Variants in ROCK2 observed in about 807,000 individuals in gnomAD.
ROCK2 encodes Rho associated coiled-coil containing protein kinase 2, also known as rho-associated protein kinase 2.
A neutral mutation model predicts 195.1 loss-of-function variants in ROCK2; 61 were observed. The observed-to-expected ratio is 0.31, with a 90% CI of 0.25 to 0.39. The LOEUF is 0.39. ROCK2 is among the 10% of genes least tolerant of loss of function. ROCK2 has a pLI of 1.00. For synonymous variants in ROCK2, 504 were observed against 545.5 expected (o/e 0.92, Z 1.06); for missense variants, 1,109 against 1,637.4 (o/e 0.68, Z 5.57).
rs1422878609 is a variant in ROCK2, at chr2:11,182,460, TAGAC to T, written c.*973_*976del. On this transcript the variant is annotated 3_prime_UTR_variant, in exon 33 of 33. Transcript: ENST00000315872. Reference sequence around the variant, plus strand: ...TCTGTAAAAAGAGTTGAATGAATAATAGACAGACATCAAGGATATATTAGTTCCA... The same window carrying T: ...TCTGTAAAAAGAGTTGAATGAATAATAGACATCAAGGATATATTAGTTCCA... 6.6e-6 allele frequency: 1 copy of T among 152,196 alleles called. No individual in the cohort carries two copies. Among genetic ancestry groups the T allele is most frequent in the Admixed American group, 6.5e-5 (1 of 15,284 alleles). The allele number at this position is 152,196 out of a possible 1,614,324, so 9.4% of individuals were successfully genotyped here.
At chr2:11,290,720 T>C (rs998570238) in intron 1 of ROCK2, among the ~76,000 whole-genome samples, 1 of 152,028 alleles carries the variant, frequency 6.6e-6, no homozygotes, top group Non-Finnish European at 1.5e-5. Context: ...GCAAGATCAA[T>C]GACTGATAAT....
chr2:11,239,018 C>T (rs910519671), intron 4 of ROCK2, among the ~76,000 whole-genome samples: 1 of 151,342 alleles, frequency 6.6e-6, no homozygotes, highest in Non-Finnish European at 1.5e-5. Context: ...ATAGCTACAG[C>T]CAAAATATTT....
intron 1 of ROCK2, among the ~76,000 whole-genome samples, chr2:11,334,464 T>C (rs914453729): frequency 6.9e-6 from 1 of 145,936 alleles, no homozygotes; most frequent in African/African-American, 2.6e-5. Flanking sequence ...TGAGCCGAGA[T>C]TGTGCCACTG....
At chr2:11,254,171 C>T (rs73915134) in intron 3 of ROCK2, among the ~76,000 whole-genome samples, 3,565 of 152,232 alleles carry the variant, frequency 0.023, 63 homozygotes, top group East Asian at 0.053. Context: ...CTAGCCCTCC[C>T]ATTGTAAACA....
At chr2:11,205,556 A>C (rs1403167217) in intron 20 of ROCK2, among the ~76,000 whole-genome samples, 1 of 151,564 alleles carries the variant, frequency 6.6e-6, no homozygotes, top group East Asian at 1.9e-4. Flanking sequence ...TTTTAAAAAG[A>C]AGCCAACATA....
At chr2:11,306,971 C>T (rs943882413) in intron 1 of ROCK2, among the ~76,000 whole-genome samples, 7 of 152,162 alleles carry the variant, frequency 4.6e-5, no homozygotes, top group Middle Eastern at 3.4e-3. Context: ...AAAAGAATGA[C>T]GCCAAACTAA....
intron 1 of ROCK2, chr2:11,308,012 G>A: frequency 1.3e-6 from 2 of 1,549,558 alleles, no homozygotes; most frequent in Non-Finnish European, 1.7e-6. Context: ...AGGGGACGGG[G>A]TGGGGACCAG....
At chr2:11,252,774 T>C (rs1307547007) in intron 3 of ROCK2, among the ~76,000 whole-genome samples, 1 of 151,002 alleles carries the variant, frequency 6.6e-6, no homozygotes, top group African/African-American at 2.4e-5. Flanking sequence ...ACACAGGGAG[T>C]GGAACATCAC....
At chr2:11,268,832 G>A (rs1281128667) in intron 3 of ROCK2, among the ~76,000 whole-genome samples, 1 of 151,820 alleles carries the variant, frequency 6.6e-6, no homozygotes, top group Non-Finnish European at 1.5e-5. Context: ...ATCAAAATTC[G>A]GGAGTTTACA....
At chr2:11,301,772 C>A (rs1289646249) in intron 1 of ROCK2, among the ~76,000 whole-genome samples, 2 of 81,656 alleles carry the variant, frequency 2.4e-5, no homozygotes, top group Non-Finnish European at 5.7e-5. Flanking sequence ...GAGTGAAACG[C>A]CGCCTCAAAA....
In ROCK2 at chr2:11,214,466, A is replaced by T. The variant is rs1248756169; in HGVS notation, c.1937-3T>A. 1 of 1,534,810 alleles carries T rather than the reference A, an allele frequency of 6.5e-7. No homozygotes were observed. The highest frequency in any genetic ancestry group is 9.0e-7 in the Non-Finnish European group (1 of 1,117,068). ...TTCTTCTAGGCCACATATTCTACCT[A>T]AAAATTGCAACGTTTTTTTAAAACA... On this transcript the variant is annotated splice_region_variant and splice_polypyrimidine_tract_variant and intron_variant, in intron 16 of 32. Transcript: ENST00000315872.
intron 1 of ROCK2, among the ~76,000 whole-genome samples, chr2:11,334,288 G>A (rs554625935): frequency 6.6e-6 from 1 of 152,068 alleles, no homozygotes; most frequent in South Asian, 2.1e-4. Flanking sequence ...CAAGGTGGGC[G>A]GATCACAAGG....
At chr2:11,305,668 G>A (rs1667837551) in intron 1 of ROCK2, among the ~76,000 whole-genome samples, 1 of 152,188 alleles carries the variant, frequency 6.6e-6, no homozygotes, top group African/African-American at 2.4e-5. Context: ...GATAAGATGA[G>A]CTTGTAGCAT....
rs540323380 is a variant in ROCK2 at position 11,311,716 on chromosome 2, AGAT to A, written c.142-23983_142-23981del. Among the ~76,000 whole-genome samples the A allele has an allele frequency of 1.4e-4, 22 of 152,316 alleles. No individual in the cohort carries two copies. In the East Asian group the frequency reaches 4.0e-3, roughly 28 times the overall value. On this transcript the variant is annotated intron_variant, in intron 1 of 32. Coordinates refer to ENST00000315872, the MANE Select transcript of ROCK2 (RefSeq NM_004850.5). ...GCAGTCAAACATTAGCAGCCATACCAGATGATAAAACTAAAATATCATAAAATC... is the reference window on the plus strand; with the variant it reads ...GCAGTCAAACATTAGCAGCCATACCAGATAAAACTAAAATATCATAAAATC...
intron 3 of ROCK2, among the ~76,000 whole-genome samples, chr2:11,262,976 CA>C (rs1168574852): frequency 2.0e-5 from 3 of 151,720 alleles, no homozygotes; most frequent in African/African-American, 7.3e-5. Flanking sequence ...CATAGATACA[CA>C]AAAAAAATGT....
rs754584276 is a variant in ROCK2, at chr2:11,182,600, C to G, written c.*837G>C. 1 of 152,472 alleles carries G rather than the reference C, an allele frequency of 6.6e-6. No individual in the cohort carries two copies. Among genetic ancestry groups the G allele is most frequent in the Non-Finnish European group, 1.5e-5 (1 of 68,034 alleles). 9.4% of individuals were successfully genotyped at this position (152,472 alleles called of 1,614,324 possible). ...TGTGTAAAAATAGTGCACGATTTAT[C>G]TTCCACAAAGCTAGTTTACATCCTA... On this transcript the variant is annotated 3_prime_UTR_variant, in exon 33 of 33. Coordinates refer to ENST00000315872, the MANE Select transcript of ROCK2 (RefSeq NM_004850.5).
At chr2:11,311,176 C>T (rs1385135161) in intron 1 of ROCK2, among the ~76,000 whole-genome samples, 1 of 152,094 alleles carries the variant, frequency 6.6e-6, no homozygotes, top group Non-Finnish European at 1.5e-5. Flanking sequence ...ATTTCTATCT[C>T]TACCAATGAT....
chr2:11,280,296 G>C (rs1009007253), intron 3 of ROCK2, among the ~76,000 whole-genome samples: 2 of 151,866 alleles, frequency 1.3e-5, no homozygotes, highest in Non-Finnish European at 2.9e-5. Flanking sequence ...AAATGAAGGA[G>C]GGAAAACCAC....
chr2:11,184,877 T>TTC, intron 32 of ROCK2: 1 of 519,294 alleles, frequency 1.9e-6, no homozygotes, highest in Non-Finnish European at 2.5e-6. Flanking sequence ...CATTTTAATT[T>TTC]TCCCTTCATG....
Sources: gnomAD v4.1 joint callset for allele counts (sites outside exome capture counted in the v4.1 genomes callset) on GRCh38, gnomAD v4.1.1 for gene constraint, MANE v1.5 for transcripts, NCBI Gene and HGNC (gene_info 2026-07-23, HGNC 2026-07-21) for gene names.